Variants in ANGPT1 observed in about 807,000 individuals in gnomAD.
ANGPT1 encodes the protein angiopoietin-1.
A neutral mutation model predicts 62.2 loss-of-function variants in ANGPT1; 17 were observed. The observed-to-expected ratio is 0.27, with a 90% CI of 0.19 to 0.41. The LOEUF (loss-of-function observed/expected upper bound fraction) is 0.41, where lower values mean the gene tolerates loss of function less well. Ranked by LOEUF, ANGPT1 falls within the 10% of genes least tolerant of loss-of-function variation. The pLI is 1.00. For synonymous variants in ANGPT1, 199 were observed against 198.9 expected (o/e 1.00, Z 0.00); for missense variants, 478 against 594.9 (o/e 0.80, Z 2.04).
At chr8:107,482,924 G>A (rs1285833542) in intron 1 of ANGPT1, among the ~76,000 whole-genome samples, 3 of 152,132 alleles carry the variant, frequency 2.0e-5, no homozygotes, top group African/African-American at 7.2e-5. Flanking sequence ...CCAGTAATCA[G>A]AGGAGGAACA....
chr8:107,493,721 T>C (rs1350370928), intron 1 of ANGPT1, among the ~76,000 whole-genome samples: 1 of 150,350 alleles, frequency 6.7e-6, no homozygotes, highest in Non-Finnish European at 1.5e-5. Flanking sequence ...TATATACTCT[T>C]CTGGGAACTG....
intron 1 of ANGPT1, among the ~76,000 whole-genome samples, chr8:107,358,802 A>G (rs1225404062): frequency 1.3e-5 from 2 of 152,212 alleles, no homozygotes; most frequent in Non-Finnish European, 2.9e-5. Flanking sequence ...CTGGGTTCTT[A>G]TGATCATGAA....
intron 1 of ANGPT1, among the ~76,000 whole-genome samples, chr8:107,366,168 T>C (rs1816269609): frequency 6.6e-6 from 1 of 152,200 alleles, no homozygotes; most frequent in African/African-American, 2.4e-5. Flanking sequence ...GCTAAATAGT[T>C]TGCTCACATC....
rs923821835 is a variant in ANGPT1 at position 107,275,272 on chromosome 8, C to A, written c.1205+9410G>T. Among the ~76,000 whole-genome samples the A allele has an allele frequency of 2.0e-5, 3 of 152,122 alleles. No homozygotes were observed. The South Asian group carries it at 6.2e-4, about 31-fold the overall frequency. On this transcript the variant is annotated intron_variant, in intron 7 of 8. Coordinates refer to ENST00000517746, the MANE Select transcript of ANGPT1 (RefSeq NM_001146.5). Reference sequence around the variant, plus strand: ...CCTGTCCCAAGTCTGCCACAAGCAGCGGTTCTCCTTTCTCTTAGCATCATG... The same window carrying A: ...CCTGTCCCAAGTCTGCCACAAGCAGAGGTTCTCCTTTCTCTTAGCATCATG...
Position 107,346,925 on chromosome 8 carries a change from C to CT in ANGPT1, c.453+16dup, listed in dbSNP as rs1161867780. The CT allele has an allele frequency of 6.3e-7, 1 of 1,588,582 alleles. No homozygotes were observed. Among genetic ancestry groups the CT allele is most frequent in the Non-Finnish European group, 8.6e-7 (1 of 1,168,158 alleles). On this transcript the variant is annotated intron_variant, in intron 2 of 8. Transcript: ENST00000517746. ...TTTTTCCTTGTTGAGTCTGTGGACTCTGGCCCTGGGGTGTACCTGGGTCTC... is the reference window on the plus strand; with the variant it reads ...TTTTTCCTTGTTGAGTCTGTGGACTCTTGGCCCTGGGGTGTACCTGGGTCTC...
chr8:107,412,652 T>A (rs1380179955), intron 1 of ANGPT1, among the ~76,000 whole-genome samples: 1 of 151,928 alleles, frequency 6.6e-6, no homozygotes, highest in Non-Finnish European at 1.5e-5. Flanking sequence ...GGTGATAGAG[T>A]CATGGTGATG....
intron 1 of ANGPT1, among the ~76,000 whole-genome samples, chr8:107,437,546 G>T (rs1172692729): frequency 6.6e-6 from 1 of 152,156 alleles, no homozygotes; most frequent in East Asian, 1.9e-4. Context: ...ATGCTTAGAA[G>T]ATGGGCAGAG....
chr8:107,405,085 T>C (rs1029316981), intron 1 of ANGPT1, among the ~76,000 whole-genome samples: 1 of 151,924 alleles, frequency 6.6e-6, no homozygotes, highest in African/African-American at 2.4e-5. Context: ...TTGTAGTAAA[T>C]TTTTTAAATG....
rs1586302606 is a variant in ANGPT1 at position 107,414,897 on chromosome 8, A to G, written c.298-67800T>C. ...AAAAGTATGACATCACTTTCCACAGAGCTGCCACTCTTTGAATTTTGTCAA... is the reference window on the plus strand; with the variant it reads ...AAAAGTATGACATCACTTTCCACAGGGCTGCCACTCTTTGAATTTTGTCAA... On this transcript the variant is annotated intron_variant, in intron 1 of 8. Transcript: ENST00000517746. 4.6e-5 allele frequency among the ~76,000 whole-genome samples: 7 copies of G among 152,336 alleles called. No individual in the cohort carries two copies. The South Asian group carries it at 1.5e-3, about 32-fold the overall frequency.
intron 3 of ANGPT1, among the ~76,000 whole-genome samples, chr8:107,323,623 G>A (rs1472198273): frequency 2.0e-5 from 3 of 152,170 alleles, no homozygotes; most frequent in Admixed American, 1.3e-4. Flanking sequence ...CAGAAGCTGT[G>A]CCATCCTGGT....
chr8:107,366,404 C>T (rs1816273946), intron 1 of ANGPT1, among the ~76,000 whole-genome samples: 1 of 152,106 alleles, frequency 6.6e-6, no homozygotes, highest in Admixed American at 6.5e-5. Context: ...GCAGACTAAA[C>T]AGAATTCTGG....
intron 6 of ANGPT1, among the ~76,000 whole-genome samples, chr8:107,291,354 A>G (rs1012417780): frequency 6.6e-6 from 1 of 152,138 alleles, no homozygotes; most frequent in Admixed American, 6.5e-5. Flanking sequence ...GGTGCAGGTT[A>G]GGTGATCTGT....
intron 3 of ANGPT1, among the ~76,000 whole-genome samples, chr8:107,333,386 G>C (rs1815471383): frequency 6.6e-6 from 1 of 152,044 alleles, no homozygotes; most frequent in African/African-American, 2.4e-5. Context: ...AAAGAGATGT[G>C]GAATGGAAGT....
intron 2 of ANGPT1, among the ~76,000 whole-genome samples, chr8:107,345,754 T>A (rs1371586494): frequency 1.3e-5 from 2 of 152,318 alleles, no homozygotes; most frequent in African/African-American, 4.8e-5. Context: ...TAAAGTCTTG[T>A]AATTTTCAGG....
chr8:107,392,504 C>A (rs945797168), intron 1 of ANGPT1, among the ~76,000 whole-genome samples: 1 of 152,044 alleles, frequency 6.6e-6, no homozygotes, highest in African/African-American at 2.4e-5. Flanking sequence ...TCATGATGTT[C>A]TTGCCATTTG....
intron 1 of ANGPT1, among the ~76,000 whole-genome samples, chr8:107,478,208 C>T (rs1219957554): frequency 6.6e-6 from 1 of 150,896 alleles, no homozygotes; most frequent in African/African-American, 2.4e-5. Context: ...TTTTACATCA[C>T]TCCTGCTTCT....
At chr8:107,265,122 A>G (rs1179128619) in intron 7 of ANGPT1, among the ~76,000 whole-genome samples, 1 of 151,558 alleles carries the variant, frequency 6.6e-6, no homozygotes, top group African/African-American at 2.4e-5. Context: ...AACCTCTCTT[A>G]CTATCTAGAA....
intron 1 of ANGPT1, among the ~76,000 whole-genome samples, chr8:107,395,672 A>G (rs1308976966): frequency 6.6e-6 from 1 of 152,186 alleles, no homozygotes; most frequent in Non-Finnish European, 1.5e-5. Context: ...TGTCACTTCT[A>G]TATGTTAGGA....
Position 107,249,810 on chromosome 8 carries a change from T to C in ANGPT1, c.*2045A>G, listed in dbSNP as rs554257165. 5.9e-5 allele frequency: 9 copies of C among 152,476 alleles called. No homozygotes were observed. The highest frequency in any genetic ancestry group is 1.7e-4 in the African/African-American group (7 of 41,566). 9.4% of individuals were successfully genotyped at this position (152,476 alleles called of 1,614,324 possible). A position where few individuals can be genotyped will look rare whatever the true frequency, so the allele number is the denominator to read the frequency against. ...TGTTTTTGTAATATGAGTTTGGAAA[T>C]AGTATTCTTTATCCAAAAACTGGTT... On this transcript the variant is annotated 3_prime_UTR_variant, in exon 9 of 9. Transcript: ENST00000517746.
Sources: gnomAD v4.1 joint callset for allele counts (sites outside exome capture counted in the v4.1 genomes callset) on GRCh38, gnomAD v4.1.1 for gene constraint, MANE v1.5 for transcripts, NCBI Gene and HGNC (gene_info 2026-07-23, HGNC 2026-07-21) for gene names.